Variants in ARHGAP24 observed in about 807,000 individuals in gnomAD.
The protein encoded by ARHGAP24 is Rho GTPase activating protein 24, also known as rho GTPase-activating protein 24.
ARHGAP24 carries 50 observed loss-of-function variants against 76.4 expected under a neutral mutation model. The observed-to-expected ratio is 0.65, with a 90% CI of 0.52 to 0.83. ARHGAP24 has a LOEUF of 0.83. Ranked by LOEUF, ARHGAP24 falls within the 40% of genes least tolerant of loss-of-function variation. The probability of loss-of-function intolerance (pLI) is 0.00; values close to 1 mark genes in which losing one functional copy is unlikely to be tolerated. For missense variants in ARHGAP24, 930 were observed against 914.2 expected, an observed-to-expected ratio of 1.02 and a Z score of -0.22; for synonymous variants, 345 against 323.3, an observed-to-expected ratio of 1.07 and a Z score of -0.72.
At chr4:85,857,730 C>T (rs1467514623) in intron 3 of ARHGAP24, among the ~76,000 whole-genome samples, 4 of 152,156 alleles carry the variant, frequency 2.6e-5, no homozygotes, top group African/African-American at 9.7e-5. Flanking sequence ...TAATTTTGTG[C>T]TCTCTTCAAT....
In ARHGAP24 at chr4:85,513,934, CA is replaced by C. The variant is rs566253664; in HGVS notation, c.-21+38376del. Among the ~76,000 whole-genome samples, 341 of 152,284 alleles carry C rather than the reference CA, an allele frequency of 2.2e-3. 1 individual carries two copies. The highest frequency in any genetic ancestry group is 4.0e-3 in the Non-Finnish European group (271 of 68,020). On this transcript the variant is annotated intron_variant, in intron 1 of 9. Transcript: ENST00000395184. ...TTGCTCTACTTGACGACTGTCATGACAGGGGTCCTAATATGTGTATGTTGTC... is the reference window on the plus strand; with the variant it reads ...TTGCTCTACTTGACGACTGTCATGACGGGGTCCTAATATGTGTATGTTGTC...
intron 1 of ARHGAP24, among the ~76,000 whole-genome samples, chr4:85,541,145 T>TAATAAC (rs1437526081): frequency 6.7e-5 from 2 of 29,994 alleles, no homozygotes; most frequent in African/African-American, 1.6e-4. Flanking sequence ...CCATGACCTT[T>TAATAAC]TTTTTTTTTT....
chr4:85,822,081 C>T (rs1729498105), intron 3 of ARHGAP24, among the ~76,000 whole-genome samples: 1 of 152,082 alleles, frequency 6.6e-6, no homozygotes. Flanking sequence ...AATCCCTTTC[C>T]TTTGAAATGT....
chr4:85,525,018 T>G (rs985861824), intron 1 of ARHGAP24, among the ~76,000 whole-genome samples: 1 of 152,204 alleles, frequency 6.6e-6, no homozygotes. Flanking sequence ...GGCTTTACAC[T>G]CTTATTTTGT....
chr4:85,949,242 C>T (rs1737463491), intron 5 of ARHGAP24, among the ~76,000 whole-genome samples: 1 of 152,156 alleles, frequency 6.6e-6, no homozygotes, highest in East Asian at 1.9e-4. Flanking sequence ...TACTAATACC[C>T]AAAACATATT....
intron 3 of ARHGAP24, among the ~76,000 whole-genome samples, chr4:85,818,505 G>A (rs1041857052): frequency 6.6e-6 from 1 of 152,150 alleles, no homozygotes; most frequent in East Asian, 1.9e-4. Context: ...GGTCAAATAG[G>A]TTCTTGTCAT....
At chr4:85,813,515 T>C (rs781586168) in intron 3 of ARHGAP24, among the ~76,000 whole-genome samples, 1 of 152,156 alleles carries the variant, frequency 6.6e-6, no homozygotes, top group Non-Finnish European at 1.5e-5. Context: ...GTGTCCTCAG[T>C]TGTAAAATTC....
chr4:85,886,054 A>G (rs1733549775), intron 3 of ARHGAP24, among the ~76,000 whole-genome samples: 1 of 152,150 alleles, frequency 6.6e-6, no homozygotes, highest in South Asian at 2.1e-4. Context: ...GAAACATCTC[A>G]TGAAATTTCA....
chr4:85,974,516 T>A (rs1739213550), intron 6 of ARHGAP24, among the ~76,000 whole-genome samples: 1 of 152,208 alleles, frequency 6.6e-6, no homozygotes, highest in Non-Finnish European at 1.5e-5. Context: ...TAGATGTATT[T>A]GTCTATGTTC....
At chr4:85,927,021 G>A (rs1052805203) in intron 4 of ARHGAP24, among the ~76,000 whole-genome samples, 1 of 151,980 alleles carries the variant, frequency 6.6e-6, no homozygotes, top group Non-Finnish European at 1.5e-5. Flanking sequence ...ATAGTTTTAT[G>A]AGTCATTCAA....
chr4:85,797,017 G>T (rs1728369756), intron 3 of ARHGAP24, among the ~76,000 whole-genome samples: 1 of 152,190 alleles, frequency 6.6e-6, no homozygotes, highest in South Asian at 2.1e-4. Flanking sequence ...TGGAGAAGCT[G>T]CCTGTGCTGC....
At chr4:85,521,284 C>T (rs578119085) in intron 1 of ARHGAP24, among the ~76,000 whole-genome samples, 1 of 152,244 alleles carries the variant, frequency 6.6e-6, no homozygotes, top group South Asian at 2.1e-4. Context: ...CATCCCAACA[C>T]TAACCTTGGA....
chr4:85,516,838 A>G (rs1397808458), intron 1 of ARHGAP24, among the ~76,000 whole-genome samples: 1 of 152,064 alleles, frequency 6.6e-6, no homozygotes, highest in Non-Finnish European at 1.5e-5. Context: ...TTGGATCTGG[A>G]TTATAAGTCA....
chr4:85,899,632 C>T (rs1161652994), intron 3 of ARHGAP24, among the ~76,000 whole-genome samples: 1 of 152,140 alleles, frequency 6.6e-6, no homozygotes, highest in Non-Finnish European at 1.5e-5. Flanking sequence ...TGGTCAACTC[C>T]CAAGTAATAT....
At chr4:85,878,794 AT>A (rs753925824) in intron 3 of ARHGAP24, among the ~76,000 whole-genome samples, 3 of 152,180 alleles carry the variant, frequency 2.0e-5, no homozygotes, top group Non-Finnish European at 2.9e-5. Context: ...TAGAACAGCA[AT>A]TATTAAGTTT....
intron 5 of ARHGAP24, among the ~76,000 whole-genome samples, chr4:85,968,696 A>G (rs139644715): frequency 7.1e-4 from 108 of 152,268 alleles, no homozygotes; most frequent in Admixed American, 2.2e-3. Flanking sequence ...CTGGAAAAAT[A>G]TATTAGATTC....
At chr4:85,512,778 GATA>G (rs1469692821) in intron 1 of ARHGAP24, among the ~76,000 whole-genome samples, 4 of 152,210 alleles carry the variant, frequency 2.6e-5, no homozygotes, top group African/African-American at 9.6e-5. Context: ...GATATTATCT[GATA>G]ATGACAAGCC....
At chr4:85,524,763 G>A (rs1197367217) in intron 1 of ARHGAP24, among the ~76,000 whole-genome samples, 1 of 152,208 alleles carries the variant, frequency 6.6e-6, no homozygotes, top group African/African-American at 2.4e-5. Context: ...GTGTACATCA[G>A]GTGCCTCTGT....
At chr4:85,577,232 A>G in intron 2 of ARHGAP24, among the ~76,000 whole-genome samples, 2 of 141,456 alleles carry the variant, frequency 1.4e-5, no homozygotes, top group South Asian at 4.2e-4. Context: ...TATCATAGGA[A>G]AAAAAAATAT....
Sources: gnomAD v4.1 joint callset for allele counts (sites outside exome capture counted in the v4.1 genomes callset) on GRCh38, gnomAD v4.1.1 for gene constraint, MANE v1.5 for transcripts, NCBI Gene and HGNC (gene_info 2026-07-23, HGNC 2026-07-21) for gene names.